The following TGFA variants were observed in gnomAD, a reference collection of about 807,000 sequenced individuals.
TGFA encodes protransforming growth factor alpha.
A neutral mutation model predicts 21.7 loss-of-function variants in TGFA; 12 were observed. The observed-to-expected ratio is 0.55, with a 90% CI of 0.35 to 0.90. The LOEUF is 0.90. Among genes scored for constraint, TGFA ranks in the 40% least tolerant of loss-of-function variants. TGFA has a pLI of 0.01. For missense variants in TGFA, 178 were observed against 210.8 expected (o/e 0.84, Z 0.96); for synonymous variants, 79 against 88.1 (o/e 0.90, Z 0.58).
chr2:70,490,745 A>G (rs1553497456), intron 2 of TGFA, among the ~76,000 whole-genome samples: 1 of 152,224 alleles, frequency 6.6e-6, no homozygotes, highest in Admixed American at 6.5e-5. Flanking sequence ...AGTTATGAAA[A>G]GACATCTGCC....
chr2:70,511,531 C>T (rs768441588), intron 2 of TGFA, among the ~76,000 whole-genome samples: 3 of 152,246 alleles, frequency 2.0e-5, no homozygotes, highest in East Asian at 1.9e-4. Flanking sequence ...CAAATTAAAA[C>T]GAAGTAGCAC....
intron 1 of TGFA, among the ~76,000 whole-genome samples, chr2:70,552,685 G>A (rs1673548880): frequency 6.6e-6 from 1 of 152,210 alleles, no homozygotes; most frequent in Non-Finnish European, 1.5e-5. Context: ...AGTTGTACAC[G>A]GAGCTGGGTG....
intron 1 of TGFA, among the ~76,000 whole-genome samples, chr2:70,549,489 G>C (rs1673420326): frequency 1.3e-5 from 2 of 152,182 alleles, no homozygotes; most frequent in South Asian, 2.1e-4. Flanking sequence ...CACAACCGCA[G>C]TGGAGGAGGC....
intron 2 of TGFA, among the ~76,000 whole-genome samples, chr2:70,504,229 T>C (rs2103822070): frequency 6.6e-6 from 1 of 151,070 alleles, no homozygotes; most frequent in Middle Eastern, 3.4e-3. Context: ...CTGGGCAACA[T>C]GGCAAAAACT....
intron 1 of TGFA, among the ~76,000 whole-genome samples, chr2:70,533,399 G>C (rs898903973): frequency 3.3e-5 from 5 of 152,054 alleles, no homozygotes; most frequent in African/African-American, 1.2e-4. Flanking sequence ...ATTTTAGATT[G>C]TGGGTCACAA....
chr2:70,486,095 G>A (rs1347817825), intron 2 of TGFA, among the ~76,000 whole-genome samples: 1 of 152,200 alleles, frequency 6.6e-6, no homozygotes, highest in Non-Finnish European at 1.5e-5. Flanking sequence ...GGAAGTCATT[G>A]CTTTCTACTG....
intron 1 of TGFA, among the ~76,000 whole-genome samples, chr2:70,524,308 C>A (rs936956398): frequency 3.3e-5 from 5 of 152,232 alleles, no homozygotes; most frequent in African/African-American, 9.6e-5. Flanking sequence ...CTCACCTGTG[C>A]AGATCTATGC....
At chr2:70,466,512 C>CA (rs1309358392) in intron 2 of TGFA, among the ~76,000 whole-genome samples, 6 of 151,160 alleles carry the variant, frequency 4.0e-5, no homozygotes, top group African/African-American at 9.7e-5. Flanking sequence ...GACTCTGTCT[C>CA]AAAAAAAACC....
At chr2:70,507,773 A>T (rs1339637317) in intron 2 of TGFA, among the ~76,000 whole-genome samples, 1 of 152,158 alleles carries the variant, frequency 6.6e-6, no homozygotes, top group Non-Finnish European at 1.5e-5. Context: ...GCCTCTTTTG[A>T]AGATGGTAGA....
intron 2 of TGFA, among the ~76,000 whole-genome samples, chr2:70,482,150 T>C (rs1347986860): frequency 6.6e-6 from 1 of 152,060 alleles, no homozygotes. Context: ...AATAGTCTAC[T>C]ATAGAGTAAT....
intron 2 of TGFA, among the ~76,000 whole-genome samples, chr2:70,486,664 G>A (rs1394905436): frequency 6.6e-6 from 1 of 152,008 alleles, no homozygotes; most frequent in African/African-American, 2.4e-5. Flanking sequence ...GGATTTGCAT[G>A]TTGCCTAGAC....
intron 3 of TGFA, among the ~76,000 whole-genome samples, chr2:70,461,917 CT>C (rs1321203890): frequency 6.6e-6 from 1 of 152,200 alleles, no homozygotes; most frequent in East Asian, 1.9e-4. Flanking sequence ...TTTGTTTAAA[CT>C]TTTTTTTCTT....
intron 1 of TGFA, among the ~76,000 whole-genome samples, chr2:70,531,365 C>T (rs782696278): frequency 1.6e-4 from 24 of 152,114 alleles, no homozygotes; most frequent in East Asian, 1.9e-4. Flanking sequence ...AACAGGACTC[C>T]GTAGTGATTC....
At chr2:70,479,998 G>A (rs149112341) in intron 2 of TGFA, among the ~76,000 whole-genome samples, 93 of 152,284 alleles carry the variant, frequency 6.1e-4, no homozygotes, top group African/African-American at 2.1e-3. Flanking sequence ...ATCTGCTTTC[G>A]TGTAGCATCA....
intron 2 of TGFA, among the ~76,000 whole-genome samples, chr2:70,500,013 G>A (rs1335939414): frequency 1.3e-5 from 2 of 152,210 alleles, no homozygotes; most frequent in African/African-American, 4.8e-5. Flanking sequence ...GGTCAAAATA[G>A]TGTTACTTCA....
chr2:70,527,087 A>G (rs1672660318), intron 1 of TGFA, among the ~76,000 whole-genome samples: 1 of 152,256 alleles, frequency 6.6e-6, no homozygotes, highest in Admixed American at 6.5e-5. Flanking sequence ...ATCCAGCAAT[A>G]GTGCTCCTTG....
chr2:70,520,332 T>C (rs1672408321), intron 1 of TGFA, among the ~76,000 whole-genome samples: 2 of 152,034 alleles, frequency 1.3e-5, no homozygotes, highest in Admixed American at 6.6e-5. Context: ...ATAGTCAAAA[T>C]TGTGAAACCC....
intron 2 of TGFA, among the ~76,000 whole-genome samples, chr2:70,493,407 G>A (rs1671489902): frequency 6.6e-6 from 1 of 152,138 alleles, no homozygotes; most frequent in Non-Finnish European, 1.5e-5. Context: ...TTTAGCATAG[G>A]AGTCTGGGTA....
chr2:70,488,523 G>T (rs186633051), intron 2 of TGFA, among the ~76,000 whole-genome samples: 6 of 152,242 alleles, frequency 3.9e-5, no homozygotes, highest in Non-Finnish European at 7.4e-5. Flanking sequence ...GTTCTACTGA[G>T]ATTCTGTTTC....
Sources: gnomAD v4.1 joint callset for allele counts (sites outside exome capture counted in the v4.1 genomes callset) on GRCh38, gnomAD v4.1.1 for gene constraint, MANE v1.5 for transcripts, NCBI Gene and HGNC (gene_info 2026-07-23, HGNC 2026-07-21) for gene names.